SLC15A3: variants seen among roughly 807,000 people sequenced by gnomAD.
The protein encoded by SLC15A3 is osteoclast transporter.
Under a neutral mutation model 49.2 loss-of-function variants are expected in SLC15A3, and 39 were observed. The observed-to-expected ratio is 0.79, with a 90% CI of 0.61 to 1.04. The LOEUF is 1.04. Ranked by LOEUF, SLC15A3 falls within the 50% of genes least tolerant of loss-of-function variation. SLC15A3 has a pLI of 0.00. For missense variants in SLC15A3, 758 were observed against 794.8 expected, an observed-to-expected ratio of 0.95 and a Z score of 0.56; for synonymous variants, 339 against 367.0, an observed-to-expected ratio of 0.92 and a Z score of 0.87.
chr11:60,944,482 C>T (rs756643551), intron 2 of SLC15A3, among the ~76,000 whole-genome samples: 54 of 152,170 alleles, frequency 3.5e-4, no homozygotes, highest in African/African-American at 1.1e-3. Context: ...TTATTCTATC[C>T]TCTCTTTTGC....
Position 60,941,162 on chromosome 11 carries a change from C to A in SLC15A3, c.1236G>T (p.Ala412=). 1 of 1,613,928 alleles carries A rather than the reference C, an allele frequency of 6.2e-7. No homozygotes were observed. Among genetic ancestry groups the A allele is most frequent in the Non-Finnish European group, 8.5e-7 (1 of 1,179,902 alleles). Residue 412 remains alanine (A), a synonymous_variant, in exon 5 of 8, where the codon GCG becomes GCT. Transcript: ENST00000227880. ...AGGTAAAACCAAAGAACATCCCCAG[C>A]GCCATCTTCTGCAGAGCAGAGGGAA... ...KLLPSALQKM[A]LGMFFGFTSV...
At chr11:60,946,493 C>T in intron 2 of SLC15A3, 39 bp downstream of exon 2, 1 of 1,517,062 alleles carries the variant, frequency 6.6e-7, no homozygotes, top group Non-Finnish European at 8.8e-7. Context: ...AGCGCTTCTC[C>T]AGGCTTGGAG....
intron 4 of SLC15A3, 157 bp from the exon 5 acceptor site, chr11:60,941,447 G>A (rs1856707735): frequency 2.9e-6 from 2 of 691,756 alleles, no homozygotes; most frequent in East Asian, 2.9e-5. Flanking sequence ...ACCAGGGAGT[G>A]GGATTATGTA....
At position 60,939,780 on chromosome 11, in the gene SLC15A3, G is replaced by A. The variant is rs539805584; in HGVS notation, c.1277-142C>T. 6.3e-6 allele frequency: 6 copies of A among 956,724 alleles called. No individual in the cohort carries two copies. The Admixed American group carries it at 1.4e-4, about 23-fold the overall frequency. The allele number at this position is 956,724 out of a possible 1,614,324, so 59.3% of individuals were successfully genotyped here. The stretch of plus-strand genomic sequence containing the variant: ...AGGCAAGGAAAAGAATGCTGGACTG[G>A]GGGGTGGAGGAGGGGGCCAAGATGT... On this transcript the variant is annotated intron_variant, in intron 5 of 7. Coordinates refer to ENST00000227880, the MANE Select transcript of SLC15A3 (RefSeq NM_016582.3).
At chr11:60,950,916 C>T in intron 1 of SLC15A3, 78 bp downstream of exon 1, 1 of 1,339,174 alleles carries the variant, frequency 7.5e-7, no homozygotes, top group Non-Finnish European at 9.6e-7. Flanking sequence ...CCTGGTTTGT[C>T]CCAGGTCACG....
intron 3 of SLC15A3, 185 bp from the exon 4 acceptor site, chr11:60,942,330 C>T (rs1565126925): frequency 1.8e-6 from 1 of 568,250 alleles, no homozygotes; most frequent in Non-Finnish European, 3.2e-6. Flanking sequence ...AGGGAGCTTC[C>T]TGTGCTCTGC....
At chr11:60,938,130 C>T in intron 6 of SLC15A3, 105 bp from the exon 7 acceptor site, 16 of 1,367,116 alleles carry the variant, frequency 1.2e-5, no homozygotes, top group South Asian at 1.5e-5. Flanking sequence ...AAGCCACCCT[C>T]CAGGCTTCCC....
rs1359519282 is a variant in SLC15A3 at position 60,949,442 on chromosome 11, GAAAGAAAGAGAA to G, written c.558+1540_558+1551del. ...AGAAAGAAGGAAAGAAAGAAAGAAA[GAAAGAAAGAGAA>G]AGAAAGAGAGAGAGAGAAAGAGAAA... On this transcript the variant is annotated intron_variant, in intron 1 of 7. Coordinates refer to ENST00000227880, the MANE Select transcript of SLC15A3 (RefSeq NM_016582.3). Among the ~76,000 whole-genome samples the G allele has an allele frequency of 2.0e-4, 28 of 137,622 alleles. 1 individual carries two copies. The highest frequency in any genetic ancestry group is 1.4e-3 in the Admixed American group (19 of 13,164). 90.3% of individuals were successfully genotyped at this position (137,622 alleles called of 152,430 possible).
In SLC15A3 at chr11:60,942,152, A is replaced by C. The variant is rs752934271; in HGVS notation, c.997-7T>G. Reference sequence around the variant, plus strand: ...GGACATAGGTGGACTGCATCTGCCAAGAGAGACAGGGGTGAGGCTGGAACA... The same window carrying C: ...GGACATAGGTGGACTGCATCTGCCACGAGAGACAGGGGTGAGGCTGGAACA... On this transcript the variant is annotated splice_region_variant and splice_polypyrimidine_tract_variant and intron_variant, in intron 3 of 7. Transcript: ENST00000227880. 2 of 1,612,390 alleles carry C rather than the reference A, an allele frequency of 1.2e-6. No individual in the cohort carries two copies. The highest frequency in any genetic ancestry group is 1.7e-6 in the Non-Finnish European group (2 of 1,178,686).
intron 2 of SLC15A3, among the ~76,000 whole-genome samples, chr11:60,944,415 G>A (rs3016367): frequency 0.54 from 81,742 of 151,702 alleles, 22,546 homozygotes; most frequent in African/African-American, 0.65. Context: ...CTCTCCACGG[G>A]GTTTCCATTC....
At chr11:60,939,915 T>C in intron 5 of SLC15A3, 1 of 391,310 alleles carries the variant, frequency 2.6e-6, no homozygotes. Context: ...GCTAGGCATT[T>C]ACCATGCATC....
In SLC15A3 at chr11:60,942,028, C is replaced by T. The variant is rs908277622; in HGVS notation, c.1107+7G>A. ...ACTGGGTGCCGAACACATGCTTTAT[C>T]TCTCACCGTGTAGCTGCTGCCCTGG... On this transcript the variant is annotated splice_region_variant and intron_variant, in intron 4 of 7. Transcript: ENST00000227880. The T allele has an allele frequency of 3.1e-6, 5 of 1,612,968 alleles. No homozygotes were observed. The African/African-American group carries it at 4.0e-5, about 13-fold the overall frequency.
rs185608263 is a variant in SLC15A3, at chr11:60,951,817, C to T, written c.-266G>A. 2.8e-5 allele frequency: 5 copies of T among 179,328 alleles called. No individual in the cohort carries two copies. Among genetic ancestry groups the T allele is most frequent in the Non-Finnish European group, 4.7e-5 (4 of 85,988 alleles). 11.1% of individuals were successfully genotyped at this position (179,328 alleles called of 1,614,324 possible). ...CCTTCCCCCACCCCTAAGGCTTCCT[C>T]CCCGCGCCTCTCCTGCAGCTGTTTC... On this transcript the variant is annotated 5_prime_UTR_variant, in exon 1 of 8. Transcript: ENST00000227880.
At position 60,952,134 on chromosome 11, in the gene SLC15A3, C is replaced by G. The variant is rs772691702; in HGVS notation, c.-583G>C. Among the ~76,000 whole-genome samples the G allele has an allele frequency of 6.6e-6, 1 of 152,002 alleles. No individual in the cohort carries two copies. The highest frequency in any genetic ancestry group is 1.5e-5 in the Non-Finnish European group (1 of 67,990). ...TCTCAGTCCCCTGCAGCCCTCCCCC[C>G]AGGCTCAGCCTCTGTCCCTCTCTCG... On this transcript the variant is annotated 5_prime_UTR_variant, in exon 1 of 8. Coordinates refer to ENST00000227880, the MANE Select transcript of SLC15A3 (RefSeq NM_016582.3).
chr11:60,939,611 T>G lies in SLC15A3; in HGVS notation c.1304A>C (p.Tyr435Ser). 6.2e-7 allele frequency: 1 copy of G among 1,614,034 alleles called. No homozygotes were observed. Among genetic ancestry groups the G allele is most frequent in the Non-Finnish European group, 8.5e-7 (1 of 1,179,986 alleles). The part of the protein sequence containing the change: ...AGVLEMERLH[Y>S]IHHNETVSQQ... ...GGACACGGTCTCGTTGTGGTGGATGTAGTGTAAGCGCTCCATCTCCAGGAC... is the reference window on the plus strand; with the variant it reads ...GGACACGGTCTCGTTGTGGTGGATGGAGTGTAAGCGCTCCATCTCCAGGAC... The change falls in exon 6 of 8, where the codon TAC becomes TCC. Residue 435 changes from tyrosine to serine, a missense_variant. Around this residue, in one of 3 missense-constraint regions of SLC15A3, gnomAD observed 699 missense variants for 706.7 expected, o/e 0.99. Coordinates refer to ENST00000227880, the MANE Select transcript of SLC15A3 (RefSeq NM_016582.3).
intron 6 of SLC15A3, among the ~76,000 whole-genome samples, chr11:60,938,722 T>C (rs538364019): frequency 6.6e-6 from 1 of 152,320 alleles, no homozygotes; most frequent in Non-Finnish European, 1.5e-5. Context: ...TTGCTTATGC[T>C]GTTCCCTCTG....
At chr11:60,944,733 T>A (rs1856777128) in intron 2 of SLC15A3, among the ~76,000 whole-genome samples, 1 of 151,926 alleles carries the variant, frequency 6.6e-6, no homozygotes. Flanking sequence ...TCCTCAACAG[T>A]CAACATGGCA....
intron 1 of SLC15A3, among the ~76,000 whole-genome samples, chr11:60,947,397 TC>T: frequency 6.6e-6 from 1 of 152,202 alleles, no homozygotes; most frequent in Non-Finnish European, 1.5e-5. Context: ...GCCAGGATGG[TC>T]TCGATCTCCT....
At chr11:60,941,392 T>A in intron 4 of SLC15A3, 102 bp from the exon 5 acceptor site, 1 of 1,203,032 alleles carries the variant, frequency 8.3e-7, no homozygotes. Flanking sequence ...GACCCTGGGG[T>A]CCAGCTCCTT....
Sources: gnomAD v4.1 joint callset for allele counts (sites outside exome capture counted in the v4.1 genomes callset) on GRCh38, gnomAD v4.1.1 for gene constraint, gnomAD v4.1.1 regional missense constraint, MANE v1.5 for transcripts, NCBI Gene and HGNC (gene_info 2026-07-23, HGNC 2026-07-21) for gene names.